The following PHF19 variants were observed in gnomAD, a reference collection of about 807,000 sequenced individuals.
PHF19 encodes PHD finger protein 19.
In PHF19, 21 loss-of-function variants were observed where a neutral mutation model predicts 79.8. That is an observed-to-expected ratio of 0.26 (90% CI 0.19 to 0.38). The LOEUF is 0.38. Among genes scored for constraint, PHF19 ranks in the 10% least tolerant of loss-of-function variants. The pLI, the probability that PHF19 is intolerant of heterozygous loss-of-function variation, is 1.00. For missense variants in PHF19, 445 were observed against 744.2 expected (o/e 0.60, Z 4.68); for synonymous variants, 273 against 296.3 (o/e 0.92, Z 0.81).
At chr9:120,867,130 T>C (rs2045727482) in intron 6 of PHF19, among the ~76,000 whole-genome samples, 165 bp from the exon 7 acceptor site, 1 of 152,206 alleles carries the variant, frequency 6.6e-6, no homozygotes, top group Non-Finnish European at 1.5e-5. Context: ...GAGTTGGACA[T>C]ATACTCTCAT....
chr9:120,897,997 AAAG>A (rs1481239790), upstream of PHF19, among the ~76,000 whole-genome samples: 2 of 142,688 alleles, frequency 1.4e-5, no homozygotes, highest in Admixed American at 1.4e-4. Context: ...AAAAAAAAAA[AAAG>A]AAATATTAAA....
chr9:120,892,781 TATAA>T (rs10600957), intron 1 of PHF19, among the ~76,000 whole-genome samples: 25,093 of 152,040 alleles, frequency 0.17, 3,390 homozygotes, highest in African/African-American at 0.37. Context: ...TAAGGCATGC[TATAA>T]ATAAATAAGC....
In PHF19 at chr9:120,856,407, A is replaced by C. The variant is rs1588081939; in HGVS notation, c.*1537T>G. The C allele has an allele frequency of 6.6e-6, 1 of 152,422 alleles. No homozygotes were observed. Among genetic ancestry groups the C allele is most frequent in the South Asian group, 2.1e-4 (1 of 4,830 alleles). 9.4% of individuals were successfully genotyped at this position (152,422 alleles called of 1,614,324 possible). On this transcript the variant is annotated 3_prime_UTR_variant, in exon 15 of 15. Transcript: ENST00000373896. ...CGCCAGTGCCTCTTGCTGTACTACC[A>C]CCTTCGCCTTCCTGCTGGCGGCCTG...
chr9:120,860,365 A>C lies in PHF19; in HGVS notation c.1305-180T>G. 1 of 578,660 alleles carries C rather than the reference A, an allele frequency of 1.7e-6. No homozygotes were observed. Among genetic ancestry groups the C allele is most frequent in the South Asian group, 2.0e-5 (1 of 51,004 alleles). 35.8% of individuals were successfully genotyped at this position (578,660 alleles called of 1,614,324 possible). A position where few individuals can be genotyped will look rare whatever the true frequency, so the allele number is the denominator to read the frequency against. On this transcript the variant is annotated intron_variant, in intron 13 of 14. Coordinates refer to ENST00000373896, the MANE Select transcript of PHF19 (RefSeq NM_015651.3). This position sits in a 1 kb window ranked among gnomAD's most constrained non-coding sequence, Gnocchi z 4.1. ...CCCAGCCACCCTTCAAAGTCCAAGA[A>C]GTCAAAAAAACCTCCTGGAGCACCC... is the stretch of plus-strand genomic sequence containing the variant.
Position 120,890,633 on chromosome 9 carries a change from C to T in PHF19, c.42+4155G>A, listed in dbSNP as rs572853906. ...AACAGACAAACATGTCTTTAACACA[C>T]GCAATCTTTGATTCAAATGATTTCA... On this transcript the variant is annotated intron_variant, in intron 1 of 14. Transcript: ENST00000616568. 3.9e-5 allele frequency among the ~76,000 whole-genome samples: 6 copies of T among 152,236 alleles called. No individual in the cohort carries two copies. The East Asian group carries it at 5.8e-4, about 15-fold the overall frequency.
At chr9:120,895,962 A>G (rs1416686144), upstream of PHF19, among the ~76,000 whole-genome samples, 2 of 152,094 alleles carry the variant, frequency 1.3e-5, no homozygotes, top group Non-Finnish European at 2.9e-5. Context: ...CAAATTATAC[A>G]CTTTAAGTGG....
At chr9:120,885,911 T>C (rs892388232) in intron 1 of PHF19, among the ~76,000 whole-genome samples, 5 of 152,352 alleles carry the variant, frequency 3.3e-5, no homozygotes, top group African/African-American at 1.2e-4. Flanking sequence ...GCGGAAATTC[T>C]GTTGCCAGAA....
Position 120,864,121 on chromosome 9 carries a change from G to C in PHF19, c.901-5C>G. ...TGTCACTGGGGTGCTGGTGAGCTGT[G>C]GGAGAGCAGGCCAGCAGGACATCAG... On this transcript the variant is annotated splice_polypyrimidine_tract_variant and splice_region_variant and intron_variant, in intron 9 of 14. Transcript: ENST00000373896. 6.2e-7 allele frequency: 1 copy of C among 1,613,322 alleles called. No homozygotes were observed. The highest frequency in any genetic ancestry group is 8.5e-7 in the Non-Finnish European group (1 of 1,179,512).
intron 1 of PHF19, among the ~76,000 whole-genome samples, chr9:120,883,498 C>T (rs1292027839): frequency 6.6e-6 from 1 of 152,148 alleles, no homozygotes; most frequent in Non-Finnish European, 1.5e-5. Context: ...GTGGCTCATG[C>T]CTGAAATCCC....
At chr9:120,863,764 GC>G (rs1353503405) in intron 10 of PHF19, among the ~76,000 whole-genome samples, 1 of 152,146 alleles carries the variant, frequency 6.6e-6, no homozygotes, top group Non-Finnish European at 1.5e-5. Context: ...TCAGTGCCTG[GC>G]CCCCAAGGCC....
At chr9:120,900,669 G>C in the PHF19 span, among the ~76,000 whole-genome samples, 5 of 152,058 alleles carry the variant, frequency 3.3e-5, no homozygotes, top group East Asian at 9.7e-4. Flanking sequence ...TGGGCTCAAG[G>C]GATCCTCCTA....
chr9:120,878,562 G>A (rs1260296442), upstream of PHF19, among the ~76,000 whole-genome samples: 1 of 152,108 alleles, frequency 6.6e-6, no homozygotes, highest in Non-Finnish European at 1.5e-5. Context: ...GCTCACTCTG[G>A]GCCCTCTGCC....
chr9:120,889,224 G>T (rs1388899579), intron 1 of PHF19, among the ~76,000 whole-genome samples: 1 of 152,112 alleles, frequency 6.6e-6, no homozygotes, highest in African/African-American at 2.4e-5. Flanking sequence ...TCAGGAGTTT[G>T]AGACCAGCCT....
upstream of PHF19, among the ~76,000 whole-genome samples, chr9:120,895,188 A>C (rs909171165): frequency 1.3e-5 from 2 of 152,188 alleles, no homozygotes; most frequent in Non-Finnish European, 1.5e-5. Context: ...TTTCTATCCA[A>C]ACTCCAGAGG....
chr9:120,875,423 C>T (rs896677635), intron 1 of PHF19, among the ~76,000 whole-genome samples: 1 of 152,204 alleles, frequency 6.6e-6, no homozygotes, highest in Non-Finnish European at 1.5e-5. Context: ...AGCCTCTCCA[C>T]GCCTGTCTCT....
intron 1 of PHF19, among the ~76,000 whole-genome samples, chr9:120,888,853 C>T (rs893211042): frequency 1.3e-5 from 2 of 152,192 alleles, no homozygotes; most frequent in African/African-American, 4.8e-5. Flanking sequence ...GGTCCCCTCA[C>T]CACTCACTCA....
intron 12 of PHF19, among the ~76,000 whole-genome samples, chr9:120,861,650 G>A (rs2045528543): frequency 6.6e-6 from 1 of 152,124 alleles, no homozygotes; most frequent in Admixed American, 6.5e-5. Context: ...GAAAGTCACT[G>A]CCCCACCCTT....
intron 1 of PHF19, 147 bp downstream of exon 1, chr9:120,876,944 C>G: frequency 1.0e-6 from 1 of 971,548 alleles, no homozygotes; most frequent in Non-Finnish European, 1.2e-6. Flanking sequence ...CACCCCCGGT[C>G]CCCACCCCCG....
intron 14 of PHF19, among the ~76,000 whole-genome samples, chr9:120,859,607 C>T (rs889955933): frequency 8.5e-5 from 13 of 152,164 alleles, no homozygotes; most frequent in African/African-American, 3.1e-4. Context: ...ATCTTCCACC[C>T]TGCAGGATGC....
Sources: gnomAD v4.1 joint callset for allele counts (sites outside exome capture counted in the v4.1 genomes callset) on GRCh38, gnomAD v4.1.1 for gene constraint, Gnocchi (gnomAD v3.1) non-coding constraint, MANE v1.5 for transcripts, NCBI Gene and HGNC (gene_info 2026-07-23, HGNC 2026-07-21) for gene names.